The following SPTBN1 variants were observed in gnomAD, a reference collection of about 807,000 sequenced individuals.
SPTBN1 encodes spectrin beta, non-erythrocytic 1.
Under a neutral mutation model 266.4 loss-of-function variants are expected in SPTBN1, and 32 were observed. That is an observed-to-expected ratio of 0.12 (90% CI 0.09 to 0.16). The LOEUF (loss-of-function observed/expected upper bound fraction) is 0.16. SPTBN1 is among the 10% of genes least tolerant of loss of function. The probability of loss-of-function intolerance (pLI) is 1.00; values close to 1 mark genes in which losing one functional copy is unlikely to be tolerated. For synonymous variants in SPTBN1, 1,336 were observed against 1,162.2 expected, an observed-to-expected ratio of 1.15 and a Z score of -3.04; for missense variants, 2,296 against 3,067.1, an observed-to-expected ratio of 0.75 and a Z score of 5.94.
At chr2:54,667,866 G>C (rs372540081) in intron 35 of SPTBN1, among the ~76,000 whole-genome samples, 2 of 152,174 alleles carry the variant, frequency 1.3e-5, no homozygotes, top group East Asian at 1.9e-4. Context: ...CCTTAAAGTC[G>C]ATGGAATCTT....
At chr2:54,475,533 C>A (rs1237493631) in intron 1 of SPTBN1, among the ~76,000 whole-genome samples, 1 of 152,118 alleles carries the variant, frequency 6.6e-6, no homozygotes, top group Non-Finnish European at 1.5e-5. Flanking sequence ...GGCCTGTGTC[C>A]AGACTGCAGC....
In SPTBN1 at chr2:54,657,975, C is replaced by T; in HGVS notation, c.6172C>T (p.Arg2058Cys). The T allele has an allele frequency of 6.2e-7, 1 of 1,614,238 alleles. No individual in the cohort carries two copies. Among genetic ancestry groups the T allele is most frequent in the Non-Finnish European group, 8.5e-7 (1 of 1,180,038 alleles). The part of the protein sequence containing the change: ...SVDEVEKLIK[R>C]HEAFEKSAAT... ...GGACGAGGTGGAGAAGCTCATCAAG[C>T]GCCACGAGGCATTTGAAAAGTCTGC... The change falls in exon 30 of 36, where the codon CGC becomes TGC. Residue 2058 changes from arginine (R) to cysteine (C), a missense_variant. Coordinates refer to ENST00000356805, the MANE Select transcript of SPTBN1 (RefSeq NM_003128.3).
chr2:54,461,445 C>G (rs959600675), intron 1 of SPTBN1, among the ~76,000 whole-genome samples: 2 of 152,206 alleles, frequency 1.3e-5, no homozygotes, highest in Non-Finnish European at 2.9e-5. Flanking sequence ...TGGAGGCACA[C>G]ACACCCATTT....
intron 1 of SPTBN1, among the ~76,000 whole-genome samples, chr2:54,508,534 A>C (rs140317580): frequency 0.012 from 1,725 of 141,602 alleles, 15 homozygotes; most frequent in Middle Eastern, 0.048. Context: ...AGCGGGTTCT[A>C]AGAGGCGGGC....
At chr2:54,564,262 C>T (rs776672566) in intron 2 of SPTBN1, among the ~76,000 whole-genome samples, 34 of 152,116 alleles carry the variant, frequency 2.2e-4, no homozygotes, top group Admixed American at 7.2e-4. Flanking sequence ...TAGATAACTC[C>T]TTTTGAGGAA....
intron 8 of SPTBN1, 118 bp from the exon 9 acceptor site, chr2:54,622,182 G>A (rs1054497219): frequency 1.9e-6 from 2 of 1,072,298 alleles, no homozygotes; most frequent in Admixed American, 4.6e-5. Context: ...CTGTTTCAGA[G>A]CTGGCCAAAC....
chr2:54,505,897 G>A (rs1489879251), intron 1 of SPTBN1, among the ~76,000 whole-genome samples: 1 of 152,020 alleles, frequency 6.6e-6, no homozygotes, highest in Non-Finnish European at 1.5e-5. Flanking sequence ...GGCTGAGGCG[G>A]GCGGATCTCG....
chr2:54,665,887 C>T, intron 33 of SPTBN1, 28 bp from the exon 34 acceptor site: 1 of 1,594,826 alleles, frequency 6.3e-7, no homozygotes, highest in African/African-American at 1.4e-5. Flanking sequence ...CCTTTATCTC[C>T]CCCTGCCCTT....
intron 1 of SPTBN1, among the ~76,000 whole-genome samples, chr2:54,492,391 G>A (rs1358043109): frequency 7.1e-6 from 1 of 140,424 alleles, no homozygotes; most frequent in African/African-American, 2.7e-5. Context: ...ACAGTGATGA[G>A]CATCACTGCA....
rs575392972 is a variant in SPTBN1, at chr2:54,472,989, C to T, written c.-48+16471C>T. On this transcript the variant is annotated intron_variant, in intron 1 of 35. Transcript: ENST00000356805. ...AACAGATATGTTAATTATCCCATAACTTAAAGTCCTTTAGACGTTTAGATT... is the reference window on the plus strand; with the variant it reads ...AACAGATATGTTAATTATCCCATAATTTAAAGTCCTTTAGACGTTTAGATT... Among the ~76,000 whole-genome samples the T allele has an allele frequency of 2.6e-5, 4 of 152,318 alleles. No individual in the cohort carries two copies. The East Asian group carries it at 7.7e-4, about 29-fold the overall frequency.
intron 2 of SPTBN1, among the ~76,000 whole-genome samples, chr2:54,595,949 A>T (rs1010457334): frequency 6.6e-6 from 1 of 152,120 alleles, no homozygotes; most frequent in Admixed American, 6.5e-5. Flanking sequence ...CCTGCTGGAG[A>T]ACCTTGGGTC....
chr2:54,646,406 T>C lies in SPTBN1; in HGVS notation c.4797T>C (p.Phe1599=). ...CGCACAGGGCCCAGCAGTACTACTT[T>C]GACGCTGCTGAGGCCGAAGCCTGGA... ...EEAHRAQQYY[F]DAAEAEAWMS... Residue 1599 remains phenylalanine, a synonymous_variant, in exon 23 of 36, where the codon TTT becomes TTC. Transcript: ENST00000356805. The surrounding 1 kb of genome is among the most constrained non-coding windows in gnomAD (Gnocchi z 4.4). 3 of 1,602,210 alleles carry C rather than the reference T, an allele frequency of 1.9e-6. No homozygotes were observed. The highest frequency in any genetic ancestry group is 2.6e-6 in the Non-Finnish European group (3 of 1,174,312).
At chr2:54,666,358 T>C (rs541316843) in intron 34 of SPTBN1, among the ~76,000 whole-genome samples, 3 of 152,368 alleles carry the variant, frequency 2.0e-5, no homozygotes, top group Admixed American at 1.3e-4. Flanking sequence ...GCACTTACTG[T>C]TCCCTAAGAC....
At chr2:54,529,232 C>T (rs1486170679) in intron 2 of SPTBN1, 2 of 368,894 alleles carry the variant, frequency 5.4e-6, no homozygotes, top group African/African-American at 4.2e-5. Context: ...ATCCAGTCCC[C>T]TTCCTTCGGT....
intron 32 of SPTBN1, chr2:54,662,832 G>A (rs1170730509): frequency 6.6e-6 from 1 of 152,222 alleles, no homozygotes; most frequent in African/African-American, 2.4e-5. Flanking sequence ...ATAAGCACGT[G>A]TCTGCAGTCT....
chr2:54,587,370 C>G (rs1419516619), intron 2 of SPTBN1, among the ~76,000 whole-genome samples: 1 of 152,210 alleles, frequency 6.6e-6, no homozygotes, highest in Non-Finnish European at 1.5e-5. Context: ...TTCATGAAGT[C>G]TTGAGTGTGC....
intron 1 of SPTBN1, among the ~76,000 whole-genome samples, chr2:54,459,155 C>T (rs1156793589): frequency 6.6e-6 from 1 of 152,198 alleles, no homozygotes; most frequent in East Asian, 1.9e-4. Context: ...GTGCAGAATT[C>T]TGTTGGGTTA....
chr2:54,617,815 C>T (rs1677710802), intron 6 of SPTBN1, 127 bp downstream of exon 6: 1 of 877,372 alleles, frequency 1.1e-6, no homozygotes, highest in Non-Finnish European at 1.8e-6. Flanking sequence ...TTCTGCATTC[C>T]ATGTGAGGAA....
intron 17 of SPTBN1, among the ~76,000 whole-genome samples, chr2:54,633,422 T>C (rs1355855948): frequency 1.5e-5 from 2 of 135,464 alleles, no homozygotes; most frequent in Non-Finnish European, 3.3e-5. Flanking sequence ...TGTGTGTGTG[T>C]GTGCGTGTGT....
Sources: allele counts gnomAD v4.1 joint callset (sites outside exome capture counted in the v4.1 genomes callset), GRCh38; gene constraint gnomAD v4.1.1; non-coding constraint Gnocchi (gnomAD v3.1); transcripts MANE v1.5; gene names NCBI Gene and HGNC (gene_info 2026-07-23, HGNC 2026-07-21).